NLGN1: variants seen among roughly 807,000 people sequenced by gnomAD.
The protein encoded by NLGN1 is neuroligin 1, also known as neuroligin-1.
NLGN1 carries 12 observed loss-of-function variants against 65.5 expected under a neutral mutation model. That is an observed-to-expected ratio of 0.18 (90% CI 0.12 to 0.30). NLGN1 has a LOEUF of 0.30. Among genes scored for constraint, NLGN1 ranks in the 10% least tolerant of loss-of-function variants. The pLI is 1.00. For missense variants in NLGN1, 750 were observed against 1,007.1 expected, an observed-to-expected ratio of 0.74 and a Z score of 3.46; for synonymous variants, 350 against 359.5, an observed-to-expected ratio of 0.97 and a Z score of 0.30.
intron 3 of NLGN1, among the ~76,000 whole-genome samples, chr3:173,654,930 G>A (rs930370001): frequency 6.6e-6 from 1 of 152,064 alleles, no homozygotes; most frequent in Non-Finnish European, 1.5e-5. Context: ...AGCCAGTAGT[G>A]TATACAGTGT....
intron 2 of NLGN1, among the ~76,000 whole-genome samples, chr3:173,574,077 A>G (rs1041191347): frequency 1.3e-5 from 2 of 151,014 alleles, no homozygotes; most frequent in Admixed American, 6.6e-5. Context: ...AAAAAAAAAA[A>G]AAAAAAGAAA....
At chr3:173,746,994 G>A (rs1316070780) in intron 3 of NLGN1, among the ~76,000 whole-genome samples, 2 of 151,548 alleles carry the variant, frequency 1.3e-5, no homozygotes, top group African/African-American at 2.4e-5. Context: ...AAGAGTTTGA[G>A]GCTGTTGCAC....
At chr3:173,466,008 G>C (rs1018263911) in intron 2 of NLGN1, among the ~76,000 whole-genome samples, 2 of 152,136 alleles carry the variant, frequency 1.3e-5, no homozygotes, top group African/African-American at 2.4e-5. Context: ...AGGAACTAGT[G>C]GAAAGACAAC....
At chr3:174,213,668 TACAA>T (rs1387517696) in intron 4 of NLGN1, among the ~76,000 whole-genome samples, 1 of 152,186 alleles carries the variant, frequency 6.6e-6, no homozygotes, top group Non-Finnish European at 1.5e-5. Flanking sequence ...GAAGAACCTG[TACAA>T]ACAATTACAT....
intron 4 of NLGN1, among the ~76,000 whole-genome samples, chr3:173,843,896 G>A (rs1560479623): frequency 6.6e-6 from 1 of 152,126 alleles, no homozygotes; most frequent in Admixed American, 6.6e-5. Context: ...TCACATTACT[G>A]TATTAGTCCA....
intron 2 of NLGN1, among the ~76,000 whole-genome samples, chr3:173,561,664 A>C (rs1241160117): frequency 3.3e-5 from 5 of 152,224 alleles, no homozygotes; most frequent in Admixed American, 6.5e-5. Flanking sequence ...TTCTGTGCAA[A>C]AGAAGTGAGG....
chr3:173,719,344 G>C (rs1770421567), intron 3 of NLGN1, among the ~76,000 whole-genome samples: 1 of 152,032 alleles, frequency 6.6e-6, no homozygotes. Flanking sequence ...TCCTTTTTGT[G>C]AGTACCTTCT....
intron 2 of NLGN1, among the ~76,000 whole-genome samples, chr3:173,519,777 A>G (rs1342589619): frequency 6.6e-6 from 1 of 150,816 alleles, no homozygotes; most frequent in Non-Finnish European, 1.5e-5. Flanking sequence ...TGGACTTTGG[A>G]CTTTTGAGTA....
intron 3 of NLGN1, among the ~76,000 whole-genome samples, chr3:173,612,538 C>T (rs1172194282): frequency 2.0e-5 from 3 of 152,066 alleles, no homozygotes; most frequent in Non-Finnish European, 2.9e-5. Flanking sequence ...ACTCCAATTT[C>T]TAGCTCTGTT....
chr3:174,238,913 A>G (rs868387626), intron 4 of NLGN1, among the ~76,000 whole-genome samples: 26 of 152,190 alleles, frequency 1.7e-4, no homozygotes, highest in Middle Eastern at 6.8e-3. Context: ...ACAAAAGGTC[A>G]TCTACACTGA....
Position 173,671,828 on chromosome 3 carries a change from A to G in NLGN1, c.493+66737A>G, listed in dbSNP as rs1229420022. On this transcript the variant is annotated intron_variant, in intron 3 of 6. Transcript: ENST00000457714. ...TCCAATGAGAAGCTTTGTAGTTAAAATGTTATTTTTAATGCAGAATGAGTA... is the reference window on the plus strand; with the variant it reads ...TCCAATGAGAAGCTTTGTAGTTAAAGTGTTATTTTTAATGCAGAATGAGTA... 1.3e-5 allele frequency among the ~76,000 whole-genome samples: 2 copies of G among 152,204 alleles called. 1 individual carries two copies. The highest frequency in any genetic ancestry group is 3.8e-4 in the East Asian group (2 of 5,196).
chr3:173,674,309 A>T (rs1311907646), intron 3 of NLGN1, among the ~76,000 whole-genome samples: 1 of 152,214 alleles, frequency 6.6e-6, no homozygotes, highest in East Asian at 1.9e-4. Context: ...TTATATGTGC[A>T]TTAGCCATTG....
chr3:174,006,641 A>G (rs1325384002), intron 4 of NLGN1, among the ~76,000 whole-genome samples: 1 of 152,184 alleles, frequency 6.6e-6, no homozygotes, highest in Non-Finnish European at 1.5e-5. Context: ...ATTGTGGACA[A>G]AAATTCATAT....
intron 4 of NLGN1, among the ~76,000 whole-genome samples, chr3:174,038,853 T>A (rs1325828451): frequency 6.6e-6 from 1 of 152,206 alleles, no homozygotes; most frequent in Non-Finnish European, 1.5e-5. Context: ...CTTCTTCTTT[T>A]CAGGGAAGCT....
chr3:173,868,933 A>G (rs1389228115), intron 4 of NLGN1, among the ~76,000 whole-genome samples: 1 of 152,148 alleles, frequency 6.6e-6, no homozygotes, highest in Non-Finnish European at 1.5e-5. Flanking sequence ...GAGAGAAATA[A>G]AAGGAAAACC....
At chr3:174,159,687 G>GTGTT (rs927923275) in intron 4 of NLGN1, among the ~76,000 whole-genome samples, 2 of 151,738 alleles carry the variant, frequency 1.3e-5, no homozygotes, top group African/African-American at 4.8e-5. Context: ...TGAGGCTGAT[G>GTGTT]TGTTAATCAA....
At chr3:173,813,731 T>A (rs1718458310) in intron 4 of NLGN1, among the ~76,000 whole-genome samples, 1 of 152,200 alleles carries the variant, frequency 6.6e-6, no homozygotes, top group Admixed American at 6.5e-5. Flanking sequence ...TTCCTAGTTT[T>A]CTAGAAGCAC....
At chr3:173,649,646 T>C (rs569074628) in intron 3 of NLGN1, among the ~76,000 whole-genome samples, 1 of 152,216 alleles carries the variant, frequency 6.6e-6, no homozygotes, top group Admixed American at 6.5e-5. Context: ...TAGGTACTTA[T>C]CGTTCTATCT....
intron 4 of NLGN1, among the ~76,000 whole-genome samples, chr3:173,967,130 G>A (rs1715062634): frequency 1.3e-5 from 2 of 152,202 alleles, no homozygotes; most frequent in Non-Finnish European, 2.9e-5. Flanking sequence ...GACATGTATG[G>A]AAGATGGATA....
Sources: gnomAD v4.1 joint callset for allele counts (sites outside exome capture counted in the v4.1 genomes callset) on GRCh38, gnomAD v4.1.1 for gene constraint, MANE v1.5 for transcripts, NCBI Gene and HGNC (gene_info 2026-07-23, HGNC 2026-07-21) for gene names.